CSPP1: variants seen among roughly 807,000 people sequenced by gnomAD.
The protein encoded by CSPP1 is centrosome and spindle pole-associated protein 1.
In CSPP1, 126 loss-of-function variants were observed where a neutral mutation model predicts 164.4. The ratio of observed to expected loss-of-function variants is 0.77; its 90% confidence interval spans 0.66 to 0.89. The LOEUF (loss-of-function observed/expected upper bound fraction) is 0.89, where lower values mean the gene tolerates loss of function less well. Among genes scored for constraint, CSPP1 ranks in the 40% least tolerant of loss-of-function variants. CSPP1 has a pLI of 0.00. For missense variants in CSPP1, 1,395 were observed against 1,449.8 expected, an observed-to-expected ratio of 0.96 and a Z score of 0.61; for synonymous variants, 472 against 476.7, an observed-to-expected ratio of 0.99 and a Z score of 0.13.
chr8:67,072,818 T>G (rs1482672671), intron 1 of CSPP1, among the ~76,000 whole-genome samples: 1 of 141,254 alleles, frequency 7.1e-6, no homozygotes, highest in African/African-American at 2.7e-5. Flanking sequence ...AGGTGTACTA[T>G]GATGGCAACA....
At chr8:67,107,174 A>C (rs1377586529) in intron 9 of CSPP1, among the ~76,000 whole-genome samples, 2 of 151,656 alleles carry the variant, frequency 1.3e-5, no homozygotes, top group Middle Eastern at 3.4e-3. Context: ...CAGTCTCCTG[A>C]GTAGTTGGAA....
chr8:67,171,029 G>T lies in CSPP1; in HGVS notation c.2829-1387G>T, dbSNP rs187037386. ...TCTTGATCTCCTGACCTCGTGATCC[G>T]CCCGCCTCGGCCTCCCAAAGTGCTG... is the stretch of plus-strand genomic sequence containing the variant. On this transcript the variant is annotated intron_variant, in intron 24 of 30. Transcript: ENST00000678616. Among the ~76,000 whole-genome samples the T allele has an allele frequency of 2.0e-3, 304 of 148,562 alleles. 1 individual carries two copies. The highest frequency in any genetic ancestry group is 6.0e-3 in the African/African-American group (246 of 40,864).
At chr8:67,177,338 C>A (rs754091814) in intron 26 of CSPP1, among the ~76,000 whole-genome samples, 11 of 152,084 alleles carry the variant, frequency 7.2e-5, no homozygotes, top group Non-Finnish European at 1.5e-4. Flanking sequence ...TGTGAGGGAG[C>A]CCCTGTTTAA....
chr8:67,128,660 C>A (rs565284077), intron 15 of CSPP1, among the ~76,000 whole-genome samples: 15 of 152,102 alleles, frequency 9.9e-5, no homozygotes, highest in Admixed American at 7.9e-4. Context: ...ATACTTAAAC[C>A]TAATAAGACC....
chr8:67,134,602 C>T (rs1335693569), intron 16 of CSPP1: 1 of 147,304 alleles, frequency 6.8e-6, no homozygotes, highest in Non-Finnish European at 1.5e-5. Flanking sequence ...CACTGTCACC[C>T]ATGCTGGAGT....
chr8:67,074,164 T>C (rs1807407915), intron 1 of CSPP1, 79 bp from the exon 2 acceptor site: 2 of 707,102 alleles, frequency 2.8e-6, no homozygotes, highest in East Asian at 5.6e-5. Context: ...GAAAACTAAA[T>C]GTGGACTAAG....
At chr8:67,099,013 C>G (rs1277790441) in intron 7 of CSPP1, among the ~76,000 whole-genome samples, 1 of 151,226 alleles carries the variant, frequency 6.6e-6, no homozygotes. Flanking sequence ...TAAACTTGGC[C>G]TGTACCCTAT....
chr8:67,076,450 T>A, intron 2 of CSPP1, 32 bp from the exon 3 acceptor site: 1 of 1,318,892 alleles, frequency 7.6e-7, no homozygotes. Flanking sequence ...TTTTTTTTCC[T>A]CTTGCTTTTG....
chr8:67,159,978 T>TCC (rs1827874377), intron 21 of CSPP1, among the ~76,000 whole-genome samples: 1 of 73,870 alleles, frequency 1.4e-5, no homozygotes, highest in Admixed American at 1.7e-4. Flanking sequence ...TTTCTTTTCT[T>TCC]TTCTTTTCTT....
chr8:67,131,853 A>T, intron 15 of CSPP1, 98 bp from the exon 16 acceptor site: 1 of 1,074,068 alleles, frequency 9.3e-7, no homozygotes, highest in Non-Finnish European at 1.3e-6. Context: ...CTGTATTTTT[A>T]AATGTATTTA....
intron 26 of CSPP1, 196 bp downstream of exon 26, chr8:67,175,632 T>A (rs1831435783): frequency 4.3e-6 from 3 of 701,104 alleles, no homozygotes; most frequent in Non-Finnish European, 7.8e-6. Flanking sequence ...ACTAGGGTGG[T>A]GTATTCATGC....
chr8:67,101,589 T>C (rs1238878834), intron 7 of CSPP1, among the ~76,000 whole-genome samples: 2 of 152,220 alleles, frequency 1.3e-5, no homozygotes, highest in Admixed American at 6.5e-5. Context: ...AGAATGTGTG[T>C]ATGTGATCTG....
At position 67,137,596 on chromosome 8, in the gene CSPP1, T is replaced by A; in HGVS notation, c.1968T>A (p.Asn656Lys). The A allele has an allele frequency of 1.3e-6, 2 of 1,543,600 alleles. No homozygotes were observed. The highest frequency in any genetic ancestry group is 2.8e-5 in the African/African-American group (2 of 71,602). The change falls in exon 17 of 31, where the codon AAT becomes AAA. Residue 656 changes from asparagine to lysine, a missense_variant. Coordinates refer to ENST00000678616, the MANE Select transcript of CSPP1 (RefSeq NM_001382391.1). ...CTCCTCTCAGGGATGCAAAAGGAAA[T>A]CTGATAAGTACGTTATTTCTACTGA... Reference protein sequence around the residue: ...GGAPLRDAKGNLITDLNRMHR... With the variant: ...GGAPLRDAKGKLITDLNRMHR...
intron 17 of CSPP1, among the ~76,000 whole-genome samples, chr8:67,144,404 G>A (rs2129556673): frequency 6.6e-6 from 1 of 152,244 alleles, no homozygotes; most frequent in Non-Finnish European, 1.5e-5. Context: ...TTTGGTGTCA[G>A]GGTAATTCTG....
chr8:67,090,548 T>A (rs955753994), intron 4 of CSPP1, among the ~76,000 whole-genome samples: 4 of 152,142 alleles, frequency 2.6e-5, no homozygotes, highest in African/African-American at 4.8e-5. Flanking sequence ...CCTCCCAACC[T>A]GCTAGGATTA....
chr8:67,130,739 G>A (rs1379026805), intron 15 of CSPP1, among the ~76,000 whole-genome samples: 1 of 152,116 alleles, frequency 6.6e-6, no homozygotes, highest in Non-Finnish European at 1.5e-5. Flanking sequence ...TATAATCCCA[G>A]CACTTTGGGA....
chr8:67,064,588 T>G, intron 1 of CSPP1, 50 bp downstream of exon 1: 1 of 1,465,230 alleles, frequency 6.8e-7, no homozygotes. Context: ...TGGGGCTGCA[T>G]TCGCTGCCCC....
chr8:67,095,282 T>TA lies in CSPP1; in HGVS notation c.484-9dup. On this transcript the variant is annotated splice_polypyrimidine_tract_variant and intron_variant, in intron 6 of 30. Coordinates refer to ENST00000678616, the MANE Select transcript of CSPP1 (RefSeq NM_001382391.1). ...CAAGTTTTGTTTCTTTTTTCTTTTTTAATTGAACAGCCCAAGAGTCAGAGA... is the reference window on the plus strand; with the variant it reads ...CAAGTTTTGTTTCTTTTTTCTTTTTTAAATTGAACAGCCCAAGAGTCAGAGA... 1 of 1,520,788 alleles carries TA rather than the reference T, an allele frequency of 6.6e-7. No homozygotes were observed. The highest frequency in any genetic ancestry group is 8.8e-7 in the Non-Finnish European group (1 of 1,137,700). The allele number at this position is 1,520,788 out of a possible 1,614,324, so 94.2% of individuals were successfully genotyped here.
At chr8:67,081,108 C>T (rs750139005) in intron 3 of CSPP1, 10 of 152,186 alleles carry the variant, frequency 6.6e-5, no homozygotes, top group Non-Finnish European at 1.0e-4. Context: ...TAGGGGTTCA[C>T]AATGATTCAC....
Sources: allele counts gnomAD v4.1 joint callset (sites outside exome capture counted in the v4.1 genomes callset), GRCh38; gene constraint gnomAD v4.1.1; transcripts MANE v1.5; gene names NCBI Gene and HGNC (gene_info 2026-07-23, HGNC 2026-07-21).